The following MCTP1 variants were observed in gnomAD, a reference collection of about 807,000 sequenced individuals.
MCTP1 encodes the protein multiple C2 and transmembrane domain-containing protein 1.
In MCTP1, 69 loss-of-function variants were observed where a neutral mutation model predicts 120.6. The ratio of observed to expected loss-of-function variants is 0.57; its 90% CI spans 0.47 to 0.70. MCTP1 has a LOEUF of 0.70. Ranked by LOEUF, MCTP1 falls within the 30% of genes least tolerant of loss-of-function variation. The pLI is 0.00. For missense variants in MCTP1, 1,203 were observed against 1,248.8 expected (o/e 0.96, Z 0.55); for synonymous variants, 529 against 493.1 (o/e 1.07, Z -0.96).
Position 94,969,404 on chromosome 5 carries a change from G to A in MCTP1, c.839-16043C>T, listed in dbSNP as rs184530120. On this transcript the variant is annotated intron_variant, in intron 2 of 22. Transcript: ENST00000515393. Reference sequence around the variant, plus strand: ...AAAATGTAAATAGCTGTCTATTAATGATACTCTTGCTTTTCATTCTCAGAA... The same window carrying A: ...AAAATGTAAATAGCTGTCTATTAATAATACTCTTGCTTTTCATTCTCAGAA... Among the ~76,000 whole-genome samples the A allele has an allele frequency of 8.8e-4, 134 of 152,176 alleles. 1 individual carries two copies. The highest frequency in any genetic ancestry group is 5.9e-5 in the Non-Finnish European group (4 of 67,972).
At position 94,748,685 on chromosome 5, in the gene MCTP1, T is replaced by A. The variant is rs866298537; in HGVS notation, c.2610+30425A>T. On this transcript the variant is annotated intron_variant, in intron 19 of 22. Coordinates refer to ENST00000515393, the MANE Select transcript of MCTP1 (RefSeq NM_024717.7). Reference sequence around the variant, plus strand: ...TGCACATTTACTTTTTGAGCATAGTTATCAGCACTCTAAGTTTCTCGATTG... The same window carrying A: ...TGCACATTTACTTTTTGAGCATAGTAATCAGCACTCTAAGTTTCTCGATTG... Among the ~76,000 whole-genome samples, 5 of 152,356 alleles carry A rather than the reference T, an allele frequency of 3.3e-5. No homozygotes were observed. In the South Asian group the frequency reaches 1.0e-3, roughly 32 times the overall value.
rs1454931457 is a variant in MCTP1, at chr5:94,970,236, C to A, written c.839-16875G>T. 2.0e-5 allele frequency among the ~76,000 whole-genome samples: 3 copies of A among 151,650 alleles called. No homozygotes were observed. The East Asian group carries it at 5.8e-4, about 29-fold the overall frequency. On this transcript the variant is annotated intron_variant, in intron 2 of 22. Coordinates refer to ENST00000515393, the MANE Select transcript of MCTP1 (RefSeq NM_024717.7). ...TCCTAAATGCAGAGTTGAAGACATG[C>A]AAGACGAAATTATTCATGTTGTATC...
intron 10 of MCTP1, among the ~76,000 whole-genome samples, chr5:94,898,139 T>C (rs1804595428): frequency 6.6e-6 from 1 of 152,210 alleles, no homozygotes; most frequent in South Asian, 2.1e-4. Context: ...AAATAGTTTA[T>C]CTCAGGTCCT....
chr5:94,825,326 A>C (rs1786731917), intron 17 of MCTP1, among the ~76,000 whole-genome samples: 1 of 152,152 alleles, frequency 6.6e-6, no homozygotes, highest in African/African-American at 2.4e-5. Context: ...CAGGTTGTTC[A>C]ATTTCCATGT....
chr5:95,215,564 T>C (rs57093494), intron 1 of MCTP1, among the ~76,000 whole-genome samples: 7,070 of 152,304 alleles, frequency 0.046, 216 homozygotes, highest in Non-Finnish European at 0.055. Flanking sequence ...AGCTTTATTT[T>C]CCTCCTTTTT....
rs79130718 is a variant in MCTP1, at chr5:95,284,201, G to T, written c.375C>A (p.Ile125=). The T allele has an allele frequency of 2.6e-6, 4 of 1,556,748 alleles. No homozygotes were observed. The highest frequency in any genetic ancestry group is 3.5e-6 in the Non-Finnish European group (4 of 1,154,374). ...AEQGSTLRRR[I]REHLLPAVKG... ...TTACGGCGGGGAGCAAATGCTCGCGGATCCGGCGGCGTAGCGTGGACCCCT... is the reference window on the plus strand; with the variant it reads ...TTACGGCGGGGAGCAAATGCTCGCGTATCCGGCGGCGTAGCGTGGACCCCT... The change falls in exon 1 of 23, where the codon ATC becomes ATA. Residue 125 remains isoleucine (I), a synonymous_variant. Transcript: ENST00000515393. This position sits in a 1 kb window ranked among gnomAD's most constrained non-coding sequence, Gnocchi z 5.2.
At chr5:95,132,731 G>C (rs553341744) in intron 1 of MCTP1, among the ~76,000 whole-genome samples, 10 of 152,144 alleles carry the variant, frequency 6.6e-5, no homozygotes, top group Non-Finnish European at 1.5e-4. Context: ...TCATTTCCTC[G>C]GGGCAGCCTT....
At chr5:94,758,277 A>T (rs1212692641) in intron 19 of MCTP1, among the ~76,000 whole-genome samples, 1 of 152,226 alleles carries the variant, frequency 6.6e-6, no homozygotes. Flanking sequence ...AAAGTACTAT[A>T]TCTTGATTTC....
Position 94,842,353 on chromosome 5 carries a change from AC to A in MCTP1, c.2436+25979del, listed in dbSNP as rs1791263629. 1.3e-5 allele frequency among the ~76,000 whole-genome samples: 2 copies of A among 152,174 alleles called. 1 individual carries two copies. The highest frequency in any genetic ancestry group is 4.8e-5 in the African/African-American group (2 of 41,432). On this transcript the variant is annotated intron_variant, in intron 17 of 22. Coordinates refer to ENST00000515393, the MANE Select transcript of MCTP1 (RefSeq NM_024717.7). ...TTCCTTCCACATCAAAATTACACAC[AC>A]ACATACTGGGTCTATAGATTGTGAC...
chr5:95,256,692 C>T (rs1054197707), intron 1 of MCTP1, among the ~76,000 whole-genome samples: 2 of 152,128 alleles, frequency 1.3e-5, no homozygotes, highest in Admixed American at 6.5e-5. Context: ...TCTGACTAGA[C>T]TCTGCCTAAT....
intron 13 of MCTP1, among the ~76,000 whole-genome samples, chr5:94,872,791 T>A (rs192483891): frequency 1.1e-3 from 164 of 152,196 alleles, no homozygotes; most frequent in African/African-American, 3.8e-3. Flanking sequence ...CAAATAGAGC[T>A]TTGTCTTCCT....
intron 1 of MCTP1, among the ~76,000 whole-genome samples, chr5:95,171,025 G>T (rs564120092): frequency 1.3e-5 from 2 of 151,882 alleles, no homozygotes; most frequent in East Asian, 3.9e-4. Flanking sequence ...TTACAATTTG[G>T]CATGTTTTTG....
intron 1 of MCTP1, among the ~76,000 whole-genome samples, chr5:95,090,967 C>T (rs1448920511): frequency 6.6e-6 from 1 of 152,156 alleles, no homozygotes; most frequent in East Asian, 1.9e-4. Context: ...ATTACTTTTG[C>T]ACCAACCTAA....
chr5:94,879,828 C>T (rs964605232), intron 12 of MCTP1, among the ~76,000 whole-genome samples: 3 of 152,056 alleles, frequency 2.0e-5, no homozygotes, highest in Admixed American at 2.0e-4. Context: ...GAACCACACC[C>T]TGAGACCCAA....
At chr5:95,259,925 C>T (rs1008619737) in intron 1 of MCTP1, among the ~76,000 whole-genome samples, 2 of 152,148 alleles carry the variant, frequency 1.3e-5, no homozygotes, top group Non-Finnish European at 2.9e-5. Context: ...GTTACAAAAT[C>T]GAATGGCATT....
At chr5:94,770,493 T>C (rs1773813090) in intron 19 of MCTP1, among the ~76,000 whole-genome samples, 1 of 152,226 alleles carries the variant, frequency 6.6e-6, no homozygotes, top group Non-Finnish European at 1.5e-5. Flanking sequence ...AAAGAGTCCA[T>C]TCATAGTTTG....
At chr5:94,953,486 A>G (rs1241369325) in intron 2 of MCTP1, 125 bp from the exon 3 acceptor site, 1 of 635,890 alleles carries the variant, frequency 1.6e-6, no homozygotes, top group African/African-American at 1.9e-5. Context: ...CTATGCAGAA[A>G]TAAGAGTTAA....
intron 1 of MCTP1, among the ~76,000 whole-genome samples, chr5:95,153,992 C>A (rs549530026): frequency 1.3e-5 from 2 of 152,074 alleles, no homozygotes; most frequent in South Asian, 4.2e-4. Context: ...AAGTCATGCC[C>A]GAAAGAAATG....
chr5:94,717,945 A>G (rs1357748740), intron 19 of MCTP1, among the ~76,000 whole-genome samples: 1 of 152,200 alleles, frequency 6.6e-6, no homozygotes, highest in Admixed American at 6.5e-5. Context: ...TACTACCCAA[A>G]GTAATTTAAA....
Sources: allele counts gnomAD v4.1 joint callset (sites outside exome capture counted in the v4.1 genomes callset), GRCh38; gene constraint gnomAD v4.1.1; non-coding constraint Gnocchi (gnomAD v3.1); transcripts MANE v1.5; gene names NCBI Gene and HGNC (gene_info 2026-07-23, HGNC 2026-07-21).